ENOPH1: variants seen among roughly 807,000 people sequenced by gnomAD.
ENOPH1 encodes enolase-phosphatase E1.
Under a neutral mutation model 31.1 loss-of-function variants are expected in ENOPH1, and 14 were observed. The observed-to-expected ratio is 0.45, with a 90% confidence interval of 0.30 to 0.70. The LOEUF (loss-of-function observed/expected upper bound fraction) is 0.70. Among genes scored for constraint, ENOPH1 ranks in the 30% least tolerant of loss-of-function variants. The probability of loss-of-function intolerance (pLI) is 0.09; values close to 1 mark genes in which losing one functional copy is unlikely to be tolerated. For missense variants in ENOPH1, 243 were observed against 321.5 expected (o/e 0.76, Z 1.87); for synonymous variants, 127 against 123.2 (o/e 1.03, Z -0.21).
intron 1 of ENOPH1, among the ~76,000 whole-genome samples, chr4:82,439,531 T>C (rs1419459631): frequency 6.6e-6 from 1 of 152,166 alleles, no homozygotes; most frequent in African/African-American, 2.4e-5. Context: ...GTGGGATCTT[T>C]ACCCCCGATC....
chr4:82,432,644 C>T (rs1578090552), intron 1 of ENOPH1, among the ~76,000 whole-genome samples: 1 of 151,226 alleles, frequency 6.6e-6, no homozygotes, highest in Non-Finnish European at 1.5e-5. Context: ...CTCTTCCCCA[C>T]GTTTTGTTTT....
At chr4:82,431,724 T>G (rs1721767228) in intron 1 of ENOPH1, among the ~76,000 whole-genome samples, 1 of 152,232 alleles carries the variant, frequency 6.6e-6, no homozygotes, top group African/African-American at 2.4e-5. Flanking sequence ...TCTTTTTATT[T>G]GGCTCCCTGA....
At chr4:82,458,906 C>T (rs113864736) in intron 5 of ENOPH1, among the ~76,000 whole-genome samples, 2 of 152,062 alleles carry the variant, frequency 1.3e-5, no homozygotes, top group African/African-American at 2.4e-5. Flanking sequence ...GAACAGAAAG[C>T]AGGCACTTGA....
intron 3 of ENOPH1, among the ~76,000 whole-genome samples, chr4:82,452,348 G>A (rs1722371601): frequency 6.6e-6 from 1 of 151,892 alleles, no homozygotes; most frequent in Non-Finnish European, 1.5e-5. Context: ...CTTGCTCTTT[G>A]CCCAGGCTGG....
chr4:82,451,384 GC>G (rs1722347446), intron 3 of ENOPH1, 139 bp downstream of exon 3: 1 of 859,152 alleles, frequency 1.2e-6, no homozygotes, highest in Non-Finnish European at 1.8e-6. Flanking sequence ...TAACAAGTGA[GC>G]TTTGTTTCAT....
intron 1 of ENOPH1, among the ~76,000 whole-genome samples, chr4:82,447,134 C>T (rs905298417): frequency 2.0e-5 from 3 of 151,986 alleles, no homozygotes; most frequent in South Asian, 2.1e-4. Flanking sequence ...TACAGGCACC[C>T]GCCACCACAC....
At chr4:82,453,884 A>G (rs74821592) in intron 3 of ENOPH1, among the ~76,000 whole-genome samples, 316 of 152,136 alleles carry the variant, frequency 2.1e-3, no homozygotes, top group African/African-American at 7.5e-3. Flanking sequence ...TTTTTTCCCC[A>G]TATAATAAAA....
intron 5 of ENOPH1, among the ~76,000 whole-genome samples, chr4:82,458,379 C>T (rs1198930579): frequency 2.0e-5 from 3 of 151,936 alleles, no homozygotes; most frequent in African/African-American, 4.8e-5. Context: ...TAGTGGTACA[C>T]GCCTGTAATC....
At chr4:82,444,825 A>G (rs1285108867) in intron 1 of ENOPH1, among the ~76,000 whole-genome samples, 1 of 152,198 alleles carries the variant, frequency 6.6e-6, no homozygotes, top group African/African-American at 2.4e-5. Flanking sequence ...GACTGAAAAT[A>G]TTCGCACATT....
At chr4:82,448,233 GTTGTTTTTTT>G (rs1197188914) in intron 2 of ENOPH1, among the ~76,000 whole-genome samples, 1 of 150,824 alleles carries the variant, frequency 6.6e-6, no homozygotes, top group Non-Finnish European at 1.5e-5. Flanking sequence ...TTGCTCTTTG[GTTGTTTTTTT>G]TTGTTTTGTT....
At chr4:82,438,279 T>G (rs1226776447) in intron 1 of ENOPH1, among the ~76,000 whole-genome samples, 5 of 152,148 alleles carry the variant, frequency 3.3e-5, no homozygotes, top group African/African-American at 1.2e-4. Flanking sequence ...CATTAAGAGT[T>G]TGGTGAATAT....
chr4:82,456,345 C>T (rs1372179570), intron 4 of ENOPH1, among the ~76,000 whole-genome samples: 3 of 151,746 alleles, frequency 2.0e-5, no homozygotes, highest in South Asian at 2.1e-4. Flanking sequence ...TAAATATGGA[C>T]TTATTTTAAT....
chr4:82,433,355 A>G (rs1348670230), intron 1 of ENOPH1, among the ~76,000 whole-genome samples: 1 of 152,186 alleles, frequency 6.6e-6, no homozygotes, highest in African/African-American at 2.4e-5. Flanking sequence ...AAAAATAAAA[A>G]TGTCTTAGTT....
chr4:82,430,617 A>G lies in ENOPH1; in HGVS notation c.-213A>G, dbSNP rs368460320. ...CTCGGGCTCCTGCCCCGTCCTGCTC[A>G]CGAGTTCAGGGCTCCTGGGCGGCCG... On this transcript the variant is annotated 5_prime_UTR_variant, in exon 1 of 6. Coordinates refer to ENST00000273920, the MANE Select transcript of ENOPH1 (RefSeq NM_021204.5). The G allele has an allele frequency of 3.0e-5, 17 of 559,492 alleles. No individual in the cohort carries two copies. The highest frequency in any genetic ancestry group is 2.1e-4 in the East Asian group (7 of 33,348). 34.7% of individuals were successfully genotyped at this position (559,492 alleles called of 1,614,324 possible). A position where few individuals can be genotyped will look rare whatever the true frequency, so the allele number is the denominator to read the frequency against.
chr4:82,430,631 C>T lies in ENOPH1; in HGVS notation c.-199C>T, dbSNP rs918809853. 46 of 575,626 alleles carry T rather than the reference C, an allele frequency of 8.0e-5. No individual in the cohort carries two copies. Among genetic ancestry groups the T allele is most frequent in the Non-Finnish European group, 1.3e-4 (43 of 322,246 alleles). 35.7% of individuals were successfully genotyped at this position (575,626 alleles called of 1,614,324 possible). A position where few individuals can be genotyped will look rare whatever the true frequency, so the allele number is the denominator to read the frequency against. On this transcript the variant is annotated 5_prime_UTR_variant, in exon 1 of 6. Transcript: ENST00000273920. ...CCGTCCTGCTCACGAGTTCAGGGCT[C>T]CTGGGCGGCCGCCTTTTCCAGTTCC...
intron 1 of ENOPH1, among the ~76,000 whole-genome samples, chr4:82,447,436 G>A (rs1015338945): frequency 6.6e-6 from 1 of 152,160 alleles, no homozygotes; most frequent in Non-Finnish European, 1.5e-5. Flanking sequence ...GTACAATAAT[G>A]TGGTATGCAT....
intron 1 of ENOPH1, among the ~76,000 whole-genome samples, chr4:82,441,777 A>AAAC (rs550702052): frequency 0.035 from 5,305 of 149,780 alleles, 121 homozygotes; most frequent in Middle Eastern, 0.12. Context: ...GTCTCTACAA[A>AAAC]AACAACAACA....
intron 4 of ENOPH1, among the ~76,000 whole-genome samples, chr4:82,456,619 A>G (rs1037351757): frequency 1.3e-5 from 2 of 152,190 alleles, no homozygotes; most frequent in African/African-American, 4.8e-5. Context: ...TAAGGGTAGG[A>G]TGTAGGGCAT....
intron 4 of ENOPH1, among the ~76,000 whole-genome samples, chr4:82,455,098 C>T (rs1340302446): frequency 6.6e-6 from 1 of 152,120 alleles, no homozygotes; most frequent in Non-Finnish European, 1.5e-5. Flanking sequence ...TAGGATTGTG[C>T]AGTCCTGAGA....
Sources: allele counts gnomAD v4.1 joint callset (sites outside exome capture counted in the v4.1 genomes callset), GRCh38; gene constraint gnomAD v4.1.1; transcripts MANE v1.5; gene names NCBI Gene and HGNC (gene_info 2026-07-23, HGNC 2026-07-21).